Variants in TRIM16 observed in about 807,000 individuals in gnomAD.
TRIM16 encodes the protein tripartite motif containing 16, also known as tripartite motif-containing protein 16.
TRIM16 carries 33 observed loss-of-function variants against 50.4 expected under a neutral mutation model. The observed-to-expected ratio is 0.65, with a 90% confidence interval of 0.50 to 0.88. TRIM16 has a LOEUF of 0.88. Ranked by LOEUF, TRIM16 falls within the 40% of genes least tolerant of loss-of-function variation. The pLI is 0.00. For synonymous variants in TRIM16, 229 were observed against 270.7 expected, an observed-to-expected ratio of 0.85 and a Z score of 1.51; for missense variants, 581 against 686.8, an observed-to-expected ratio of 0.85 and a Z score of 1.72.
chr17:15,672,542 T>G (rs994745882), intron 6 of TRIM16, among the ~76,000 whole-genome samples: 13 of 151,756 alleles, frequency 8.6e-5, no homozygotes, highest in Non-Finnish European at 1.6e-4. Flanking sequence ...AAGACCAGTC[T>G]GGGCTATATG....
At chr17:15,633,864 A>G (rs1986564368) in intron 9 of TRIM16, among the ~76,000 whole-genome samples, 1 of 150,728 alleles carries the variant, frequency 6.6e-6, no homozygotes, top group African/African-American at 2.4e-5. Context: ...CATACACTAG[A>G]ATTTATTTTA....
Position 15,628,689 on chromosome 17 carries a change from T to C in TRIM16, c.1621A>G (p.Asn541Asp). 5 of 1,614,162 alleles carry C rather than the reference T, an allele frequency of 3.1e-6. No individual in the cohort carries two copies. The highest frequency in any genetic ancestry group is 4.2e-6 in the Non-Finnish European group (5 of 1,180,030). The change falls in exon 12 of 12, where the codon AAC becomes GAC. Residue 541 changes from asparagine (N) to aspartate (D), a missense_variant. By Grantham distance (23) the Asn-to-Asp change is conservative. Transcript: ENST00000649191. The stretch of plus-strand genomic sequence containing the variant: ...CCCAGATCTACAATCCGGATGGCGT[T>C]TTCCTTCTTGGAAAGCCAGAAGGCA... Reference protein sequence around the residue: ...YAAFWLSKKENAIRIVDLGEE... With the variant: ...YAAFWLSKKEDAIRIVDLGEE...
intron 6 of TRIM16, among the ~76,000 whole-genome samples, chr17:15,669,422 ATAAG>A: frequency 6.6e-6 from 1 of 152,280 alleles, no homozygotes; most frequent in South Asian, 2.1e-4. Context: ...GTTGAAAGTT[ATAAG>A]TGAGTTGAAA....
chr17:15,681,440 T>G (rs1436715664), intron 3 of TRIM16, among the ~76,000 whole-genome samples: 2 of 152,248 alleles, frequency 1.3e-5, no homozygotes, highest in Non-Finnish European at 2.9e-5. Flanking sequence ...GGTGAGTCTG[T>G]GGCCATCTCA....
chr17:15,634,561 G>A (rs1230266720), intron 9 of TRIM16, among the ~76,000 whole-genome samples: 1 of 146,498 alleles, frequency 6.8e-6, no homozygotes, highest in African/African-American at 2.5e-5. Flanking sequence ...AACCCGGGAG[G>A]TGGAGCTTGC....
At chr17:15,649,293 AT>A (rs1390867799) in intron 7 of TRIM16, among the ~76,000 whole-genome samples, 1 of 151,832 alleles carries the variant, frequency 6.6e-6, no homozygotes, top group Non-Finnish European at 1.5e-5. Context: ...GATGGAGATT[AT>A]TATTATTATT....
At chr17:15,631,325 C>T (rs918083732) in intron 11 of TRIM16, among the ~76,000 whole-genome samples, 1 of 152,276 alleles carries the variant, frequency 6.6e-6, no homozygotes, top group South Asian at 2.1e-4. Flanking sequence ...CAATGTTATT[C>T]CCTGGTTTTC....
rs190473995 is a variant in TRIM16, at chr17:15,645,732, A to G, written c.520-2916T>C. 8.1e-3 allele frequency among the ~76,000 whole-genome samples: 1,239 copies of G among 152,338 alleles called. 53 individuals carry two copies. Among genetic ancestry groups the G allele is most frequent in the Admixed American group, 0.073 (1,116 of 15,286 alleles). ...GCCCCCTGGGGAGGGAAGCAGCTGC[A>G]GGCAGAGGACTCGCCTCTCCAGGAC... On this transcript the variant is annotated intron_variant, in intron 7 of 11. Coordinates refer to ENST00000649191, the MANE Select transcript of TRIM16 (RefSeq NM_001348119.1).
rs34158100 is a variant in TRIM16, at chr17:15,652,455, C to CTTTT, written c.-337-513_-337-510dup. Among the ~76,000 whole-genome samples, 42 of 65,392 alleles carry CTTTT rather than the reference C, an allele frequency of 6.4e-4. 12 individuals carry two copies. Among genetic ancestry groups the CTTTT allele is most frequent in the African/African-American group, 2.2e-3 (24 of 11,080 alleles). 42.9% of individuals were successfully genotyped at this position (65,392 alleles called of 152,430 possible). A position where few individuals can be genotyped will look rare whatever the true frequency, so the allele number is the denominator to read the frequency against. ...ATTACAGGTGAGCCACGGTGCCCAC[C>CTTTT]TTTTTTTTTTTTTTTTTTTTTTTTT... On this transcript the variant is annotated intron_variant, in intron 6 of 11. Transcript: ENST00000649191.
At chr17:15,643,743 A>G (rs1987221133) in intron 7 of TRIM16, among the ~76,000 whole-genome samples, 1 of 152,212 alleles carries the variant, frequency 6.6e-6, no homozygotes, top group Non-Finnish European at 1.5e-5. Flanking sequence ...GGTACAGGTG[A>G]TAAAATCATG....
chr17:15,667,291 C>A (rs1384041269), intron 6 of TRIM16, among the ~76,000 whole-genome samples: 1 of 152,104 alleles, frequency 6.6e-6, no homozygotes, highest in Non-Finnish European at 1.5e-5. Flanking sequence ...AAAGCAGTGG[C>A]ACCAAACTGT....
intron 6 of TRIM16, among the ~76,000 whole-genome samples, chr17:15,674,118 TC>T (rs1435570505): frequency 6.6e-6 from 1 of 152,332 alleles, no homozygotes; most frequent in East Asian, 1.9e-4. Flanking sequence ...ACGCCTGTAA[TC>T]CCAGCACTTT....
intron 8 of TRIM16, among the ~76,000 whole-genome samples, chr17:15,638,612 G>A (rs1385746427): frequency 6.7e-6 from 1 of 149,086 alleles, no homozygotes; most frequent in Non-Finnish European, 1.5e-5. Context: ...CAATGTTAAG[G>A]GCCAGCTCTG....
intron 7 of TRIM16, among the ~76,000 whole-genome samples, chr17:15,649,318 C>T (rs1332422847): frequency 2.0e-5 from 3 of 151,994 alleles, no homozygotes; most frequent in Non-Finnish European, 2.9e-5. Context: ...GATGGAGTCT[C>T]GCTCTGTCAC....
intron 3 of TRIM16, chr17:15,681,316 A>C (rs1432164582): frequency 6.2e-6 from 1 of 162,172 alleles, no homozygotes; most frequent in Non-Finnish European, 1.3e-5. Context: ...GAAAGTGACC[A>C]ATTTTGTAGA....
At chr17:15,639,170 G>A (rs1198970499) in intron 8 of TRIM16, among the ~76,000 whole-genome samples, 4 of 137,392 alleles carry the variant, frequency 2.9e-5, no homozygotes, top group Admixed American at 2.9e-4. Flanking sequence ...CTCAGCCTCC[G>A]AAGTAGCAGA....
intron 9 of TRIM16, among the ~76,000 whole-genome samples, chr17:15,633,329 G>A (rs1986527290): frequency 6.6e-6 from 1 of 150,808 alleles, no homozygotes; most frequent in Non-Finnish European, 1.5e-5. Context: ...AAAATGATTA[G>A]ATAGAGCCAT....
chr17:15,634,332 A>G (rs1204932180), intron 9 of TRIM16, among the ~76,000 whole-genome samples: 4 of 145,810 alleles, frequency 2.7e-5, no homozygotes, highest in Non-Finnish European at 6.0e-5. Context: ...TCCGTCTCGA[A>G]AAAACAAAAA....
intron 8 of TRIM16, among the ~76,000 whole-genome samples, chr17:15,637,123 G>C (rs1357721687): frequency 2.3e-5 from 3 of 129,374 alleles, no homozygotes; most frequent in South Asian, 4.6e-4. Flanking sequence ...GGTGGGGGGG[G>C]GGGGTCAGCC....
Sources: gnomAD v4.1 joint callset for allele counts (sites outside exome capture counted in the v4.1 genomes callset) on GRCh38, gnomAD v4.1.1 for gene constraint, MANE v1.5 for transcripts, NCBI Gene and HGNC (gene_info 2026-07-23, HGNC 2026-07-21) for gene names.